Variants in GRIA4 observed in about 807,000 individuals in gnomAD.
GRIA4 encodes glutamate receptor 4.
GRIA4 carries 34 observed loss-of-function variants against 104.0 expected under a neutral mutation model. The ratio of observed to expected loss-of-function variants is 0.33; its 90% CI spans 0.25 to 0.44. The LOEUF (loss-of-function observed/expected upper bound fraction) is 0.44, where lower values mean the gene tolerates loss of function less well. Ranked by LOEUF, GRIA4 falls within the 20% of genes least tolerant of loss-of-function variation. The probability of loss-of-function intolerance (pLI) is 1.00; values close to 1 mark genes in which losing one functional copy is unlikely to be tolerated. For synonymous variants in GRIA4, 386 were observed against 381.9 expected (o/e 1.01, Z -0.13); for missense variants, 750 against 1,096.5 (o/e 0.68, Z 4.46).
chr11:105,661,241 T>C (rs1004428590), intron 3 of GRIA4, among the ~76,000 whole-genome samples: 1 of 151,600 alleles, frequency 6.6e-6, no homozygotes, highest in African/African-American at 2.4e-5. Flanking sequence ...TGTATTTATA[T>C]CTATTACAGT....
chr11:105,618,133 G>A (rs986379254), intron 3 of GRIA4, among the ~76,000 whole-genome samples: 2 of 151,930 alleles, frequency 1.3e-5, no homozygotes, highest in Admixed American at 1.3e-4. Flanking sequence ...TCTGGTAATA[G>A]TATTGAATGT....
intron 4 of GRIA4, among the ~76,000 whole-genome samples, chr11:105,851,956 G>A (rs951058896): frequency 6.6e-6 from 1 of 152,184 alleles, no homozygotes; most frequent in African/African-American, 2.4e-5. Context: ...TATATCGGCA[G>A]CCTCTGGATC....
chr11:105,860,956 GAAAAAAA>G (rs55824302), intron 4 of GRIA4, among the ~76,000 whole-genome samples: 26,455 of 106,000 alleles, frequency 0.25, 2,613 homozygotes, highest in South Asian at 0.33. Flanking sequence ...AAGACTGTCT[GAAAAAAA>G]AAAAAAAAAA....
At chr11:105,948,369 T>C (rs1948369299) in intron 14 of GRIA4, among the ~76,000 whole-genome samples, 1 of 152,084 alleles carries the variant, frequency 6.6e-6, no homozygotes, top group South Asian at 2.1e-4. Flanking sequence ...TAATGGAAAA[T>C]TTATAGTCTT....
intron 14 of GRIA4, among the ~76,000 whole-genome samples, chr11:105,936,490 C>G (rs17391232): frequency 0.08 from 12,228 of 152,142 alleles, 719 homozygotes; most frequent in Admixed American, 0.18. Flanking sequence ...TTCTCACAAA[C>G]TCTGCTATTC....
chr11:105,905,920 A>T (rs773662365), intron 9 of GRIA4, among the ~76,000 whole-genome samples: 6 of 152,158 alleles, frequency 3.9e-5, no homozygotes, highest in Non-Finnish European at 7.4e-5. Flanking sequence ...CCCAGCATTC[A>T]AGTACTTTAT....
At chr11:105,881,157 T>C (rs1246260212) in intron 5 of GRIA4, among the ~76,000 whole-genome samples, 1 of 152,178 alleles carries the variant, frequency 6.6e-6, no homozygotes, top group Non-Finnish European at 1.5e-5. Flanking sequence ...TGGAGGAGGC[T>C]AGTGTAGAAC....
intron 11 of GRIA4, 66 bp downstream of exon 11, chr11:105,918,984 A>T: frequency 1.1e-6 from 1 of 951,656 alleles, no homozygotes; most frequent in Non-Finnish European, 1.7e-6. Flanking sequence ...CCTTGGGCAC[A>T]TAACAATTTT....
At chr11:105,886,854 T>TA (rs1018805855) in intron 5 of GRIA4, among the ~76,000 whole-genome samples, 1 of 151,204 alleles carries the variant, frequency 6.6e-6, no homozygotes, top group Non-Finnish European at 1.5e-5. Context: ...GAATTTTTTT[T>TA]AAAAAAAGAT....
chr11:105,782,949 T>C (rs1941794447), intron 4 of GRIA4, among the ~76,000 whole-genome samples: 1 of 152,156 alleles, frequency 6.6e-6, no homozygotes, highest in Non-Finnish European at 1.5e-5. Context: ...CATACGTACA[T>C]ACATACATAC....
chr11:105,719,521 T>G (rs550638395), intron 3 of GRIA4, among the ~76,000 whole-genome samples: 26 of 152,226 alleles, frequency 1.7e-4, no homozygotes, highest in African/African-American at 6.0e-4. Context: ...GCGGCTGAGC[T>G]TATGTAGTCC....
chr11:105,920,826 C>G (rs530703893), intron 11 of GRIA4, among the ~76,000 whole-genome samples: 11 of 152,260 alleles, frequency 7.2e-5, no homozygotes, highest in African/African-American at 2.2e-4. Context: ...GTTGTCCACT[C>G]TTTTCCCAAA....
intron 4 of GRIA4, among the ~76,000 whole-genome samples, chr11:105,770,803 C>T (rs1941173127): frequency 1.3e-5 from 2 of 151,978 alleles, no homozygotes; most frequent in Admixed American, 1.3e-4. Context: ...ATGGATTAGC[C>T]TATCTTTACT....
intron 3 of GRIA4, among the ~76,000 whole-genome samples, chr11:105,671,165 A>C (rs1383383106): frequency 6.6e-6 from 1 of 152,140 alleles, no homozygotes; most frequent in Non-Finnish European, 1.5e-5. Flanking sequence ...TCATATATGC[A>C]AAGTTTCTTT....
chr11:105,912,026 C>T (rs1464394612), intron 10 of GRIA4: 2 of 1,208,574 alleles, frequency 1.7e-6, no homozygotes, highest in Non-Finnish European at 2.1e-6. Context: ...GGATGACCAA[C>T]TCTGGACTAC....
chr11:105,952,114 A>G (rs1294739888), intron 14 of GRIA4, among the ~76,000 whole-genome samples: 3 of 152,234 alleles, frequency 2.0e-5, no homozygotes, highest in Non-Finnish European at 4.4e-5. Context: ...CAGGTGTCAT[A>G]GAAATGTTTT....
chr11:105,634,080 G>A (rs1030809707), intron 3 of GRIA4, among the ~76,000 whole-genome samples: 2 of 152,064 alleles, frequency 1.3e-5, no homozygotes, highest in Admixed American at 1.3e-4. Flanking sequence ...CAGGCATGGT[G>A]GCTCATGCCT....
intron 6 of GRIA4, among the ~76,000 whole-genome samples, chr11:105,894,904 A>G (rs1946594024): frequency 7.4e-6 from 1 of 134,878 alleles, no homozygotes. Flanking sequence ...GGTTCACGCC[A>G]TTCTCCTGCC....
At chr11:105,797,608 C>T in intron 4 of GRIA4, 1 of 252,252 alleles carries the variant, frequency 4.0e-6, no homozygotes, top group South Asian at 3.7e-5. Context: ...AGTGTCCTTC[C>T]CATCTGATTC....
Sources: allele counts gnomAD v4.1 joint callset (sites outside exome capture counted in the v4.1 genomes callset), GRCh38; gene constraint gnomAD v4.1.1; transcripts MANE v1.5; gene names NCBI Gene and HGNC (gene_info 2026-07-23, HGNC 2026-07-21).